Variants in ROBO1 observed in about 807,000 individuals in gnomAD.
The protein encoded by ROBO1 is roundabout homolog 1.
In ROBO1, 149 loss-of-function variants were observed where a neutral mutation model predicts 195.9. The ratio of observed to expected loss-of-function variants is 0.76; its 90% CI spans 0.67 to 0.87. The LOEUF (loss-of-function observed/expected upper bound fraction) is 0.87. Among genes scored for constraint, ROBO1 ranks in the 40% least tolerant of loss-of-function variants. ROBO1 has a pLI of 0.00. For synonymous variants in ROBO1, 816 were observed against 733.2 expected (o/e 1.11, Z -1.82); for missense variants, 1,933 against 2,068.3 (o/e 0.93, Z 1.27).
intron 2 of ROBO1, among the ~76,000 whole-genome samples, chr3:79,505,611 A>G (rs144455882): frequency 1.1e-4 from 16 of 152,302 alleles, no homozygotes; most frequent in Non-Finnish European, 2.1e-4. Context: ...ATACCAGGGA[A>G]AGCTTACAAT....
At chr3:79,637,427 C>CT (rs1265853742) in intron 1 of ROBO1, among the ~76,000 whole-genome samples, 1 of 149,444 alleles carries the variant, frequency 6.7e-6, no homozygotes, top group African/African-American at 2.5e-5. Context: ...TTCCCAAACC[C>CT]TTTTTAAGAG....
At chr3:78,807,351 T>A (rs757369459) in intron 4 of ROBO1, among the ~76,000 whole-genome samples, 1 of 152,204 alleles carries the variant, frequency 6.6e-6, no homozygotes, top group African/African-American at 2.4e-5. Context: ...TGATCCTTTT[T>A]GTAACTTAAT....
chr3:79,463,252 G>A (rs1489216310), intron 2 of ROBO1, among the ~76,000 whole-genome samples: 1 of 151,986 alleles, frequency 6.6e-6, no homozygotes, highest in Non-Finnish European at 1.5e-5. Flanking sequence ...GCGGGCGCCT[G>A]TAGTCCCAGC....
At position 78,618,180 on chromosome 3, in the gene ROBO1, A is replaced by G. The variant is rs1335239522; in HGVS notation, c.3876-139T>C. The G allele has an allele frequency of 4.7e-6, 4 of 857,280 alleles. No individual in the cohort carries two copies. The East Asian group carries it at 1.1e-4, about 24-fold the overall frequency. The allele number at this position is 857,280 out of a possible 1,614,324, so 53.1% of individuals were successfully genotyped here. A position where few individuals can be genotyped will look rare whatever the true frequency, so the allele number is the denominator to read the frequency against. On this transcript the variant is annotated intron_variant, in intron 26 of 30. Transcript: ENST00000464233. ...CATATGTTCAGAAAAACAACTGAATATCACAATATATTTAAGTTTGATTTT... is the reference window on the plus strand; with the variant it reads ...CATATGTTCAGAAAAACAACTGAATGTCACAATATATTTAAGTTTGATTTT...
rs2107478939 is a variant in ROBO1 at position 78,627,453 on chromosome 3, G to A, written c.3743C>T (p.Ser1248Phe). 2 of 1,613,160 alleles carry A rather than the reference G, an allele frequency of 1.2e-6. No homozygotes were observed. Among genetic ancestry groups the A allele is most frequent in the South Asian group, 1.1e-5 (1 of 90,924 alleles). ...GCTATAGGACACGGCAGCTGGAGAA[G>A]AAGCTGCTCCCCGAACAGGGGGAGT... ...GPTPPVRGAA[S>F]SPAAVSYSHQ... The change falls in exon 26 of 31, where the codon TCT becomes TTT. Residue 1248 changes from serine to phenylalanine, a missense_variant. Physicochemically the swap from Ser to Phe is radical, Grantham distance 155 (BLOSUM62 -2). Transcript: ENST00000464233.
intron 1 of ROBO1, among the ~76,000 whole-genome samples, chr3:79,731,653 C>A (rs2107357546): frequency 6.6e-6 from 1 of 151,908 alleles, no homozygotes; most frequent in East Asian, 1.9e-4. Flanking sequence ...ATTAGCCCAC[C>A]CTATACTTCA....
chr3:78,604,453 T>G (rs879807552), intron 29 of ROBO1, among the ~76,000 whole-genome samples: 1 of 152,218 alleles, frequency 6.6e-6, no homozygotes, highest in Non-Finnish European at 1.5e-5. Context: ...ATCATCACAT[T>G]CTATTTATGA....
intron 3 of ROBO1, among the ~76,000 whole-genome samples, chr3:79,042,479 C>G (rs2078507068): frequency 6.6e-6 from 1 of 152,084 alleles, no homozygotes; most frequent in African/African-American, 2.4e-5. Flanking sequence ...AACCCTGGTT[C>G]CTTCTATTTC....
intron 2 of ROBO1, among the ~76,000 whole-genome samples, chr3:79,522,468 A>G (rs1382172227): frequency 6.6e-6 from 1 of 152,104 alleles, no homozygotes; most frequent in African/African-American, 2.4e-5. Context: ...AGCAGAAGTA[A>G]TCATCGCCTT....
At chr3:78,750,557 C>G (rs1013038631) in intron 4 of ROBO1, among the ~76,000 whole-genome samples, 1 of 151,766 alleles carries the variant, frequency 6.6e-6, no homozygotes, top group Non-Finnish European at 1.5e-5. Flanking sequence ...ATAATCACTA[C>G]TTTTTGAAAA....
intron 3 of ROBO1, among the ~76,000 whole-genome samples, chr3:79,046,006 T>G (rs773033127): frequency 6.6e-6 from 1 of 152,180 alleles, no homozygotes; most frequent in Non-Finnish European, 1.5e-5. Flanking sequence ...TAAGTTGGCC[T>G]TCCCTGATTC....
At chr3:79,303,452 C>T (rs1337451733) in intron 2 of ROBO1, among the ~76,000 whole-genome samples, 35 of 152,026 alleles carry the variant, frequency 2.3e-4, no homozygotes, top group Non-Finnish European at 2.9e-5. Flanking sequence ...AGGTGTGAGC[C>T]ACTGTGCCTG....
chr3:78,939,511 G>C (rs1311270471), intron 3 of ROBO1, among the ~76,000 whole-genome samples: 1 of 151,130 alleles, frequency 6.6e-6, no homozygotes, highest in Non-Finnish European at 1.5e-5. Context: ...CCAGCTACTC[G>C]GGAGGCTGAG....
chr3:79,616,070 T>C (rs1261320373), intron 1 of ROBO1, among the ~76,000 whole-genome samples: 2 of 152,154 alleles, frequency 1.3e-5, no homozygotes, highest in Non-Finnish European at 2.9e-5. Context: ...GACAGCCAAA[T>C]TGTTGGAGAG....
At chr3:79,070,300 C>T (rs903193784) in intron 3 of ROBO1, among the ~76,000 whole-genome samples, 2 of 151,952 alleles carry the variant, frequency 1.3e-5, no homozygotes, top group African/African-American at 2.4e-5. Context: ...ACTCATTTAA[C>T]GCATTACAAT....
rs767993301 is a variant in ROBO1 at position 78,661,163 on chromosome 3, C to T, written c.2187G>A (p.Arg729=). 1 of 1,613,624 alleles carries T rather than the reference C, an allele frequency of 6.2e-7. No homozygotes were observed. Among genetic ancestry groups the T allele is most frequent in the Non-Finnish European group, 8.5e-7 (1 of 1,179,748 alleles). ...GESDWLVFEV[R]TPAKNSVVIP... is the part of the protein sequence containing the mutation. ...TTACCACACTGTTTTTGGCTGGCGT[C>T]CTCACTTCAAAAACTAACCAGTCTG... is the stretch of plus-strand genomic sequence containing the variant. The change falls in exon 16 of 31, where the codon AGG becomes AGA. Residue 729 remains arginine (R), a synonymous_variant. Transcript: ENST00000464233.
Position 78,689,341 on chromosome 3 carries a change from G to T in ROBO1, c.1046-569C>A, listed in dbSNP as rs2081119312. 2.6e-5 allele frequency among the ~76,000 whole-genome samples: 4 copies of T among 152,142 alleles called. No homozygotes were observed. In the South Asian group the frequency reaches 8.3e-4, roughly 31 times the overall value. ...AAACAGAATATATATGGAAATGAGGGAAAATTTGAAACATCTGCTCATCCT... is the reference window on the plus strand; with the variant it reads ...AAACAGAATATATATGGAAATGAGGTAAAATTTGAAACATCTGCTCATCCT... On this transcript the variant is annotated intron_variant, in intron 8 of 30. Transcript: ENST00000464233.
chr3:79,630,982 A>T (rs1297529802), intron 1 of ROBO1, among the ~76,000 whole-genome samples: 1 of 152,020 alleles, frequency 6.6e-6, no homozygotes, highest in East Asian at 1.9e-4. Flanking sequence ...GGATGACAAA[A>T]AGAAATGGAA....
intron 4 of ROBO1, among the ~76,000 whole-genome samples, chr3:78,898,793 T>A (rs1408075977): frequency 2.0e-5 from 3 of 152,148 alleles, no homozygotes; most frequent in African/African-American, 7.2e-5. Context: ...TTGGTATACA[T>A]GGAAGTCCAT....
Sources: allele counts gnomAD v4.1 joint callset (sites outside exome capture counted in the v4.1 genomes callset), GRCh38; gene constraint gnomAD v4.1.1; transcripts MANE v1.5; gene names NCBI Gene and HGNC (gene_info 2026-07-23, HGNC 2026-07-21).